The following CHN2 variants were observed in gnomAD, a reference collection of about 807,000 sequenced individuals.
CHN2 encodes the protein chimerin 2, also known as beta-chimaerin.
A neutral mutation model predicts 56.3 loss-of-function variants in CHN2; 35 were observed. The ratio of observed to expected loss-of-function variants is 0.62; its 90% CI spans 0.47 to 0.82. CHN2 has a LOEUF of 0.82. CHN2 is among the 40% of genes least tolerant of loss of function. The probability of loss-of-function intolerance (pLI) is 0.00; values close to 1 mark genes in which losing one functional copy is unlikely to be tolerated. For missense variants in CHN2, 491 were observed against 580.5 expected (o/e 0.85, Z 1.58); for synonymous variants, 210 against 212.8 (o/e 0.99, Z 0.12).
chr7:29,168,452 T>C (rs1009839759), intron 2 of CHN2, among the ~76,000 whole-genome samples: 9 of 152,240 alleles, frequency 5.9e-5, no homozygotes, highest in Non-Finnish European at 2.9e-5. Context: ...ACCCAGCTTC[T>C]ATAATTATGG....
At chr7:29,249,883 T>C (rs1462143375) in intron 1 of CHN2, among the ~76,000 whole-genome samples, 1 of 152,232 alleles carries the variant, frequency 6.6e-6, no homozygotes, top group East Asian at 1.9e-4. Flanking sequence ...TTCCATTCTT[T>C]AAAAATTTAA....
chr7:29,444,845 T>C (rs1783918466), intron 6 of CHN2, among the ~76,000 whole-genome samples: 1 of 152,200 alleles, frequency 6.6e-6, no homozygotes, highest in South Asian at 2.1e-4. Context: ...AAATAGGATA[T>C]ATGGTACCAG....
At chr7:29,468,896 T>C (rs1464449085) in intron 6 of CHN2, among the ~76,000 whole-genome samples, 1 of 152,094 alleles carries the variant, frequency 6.6e-6, no homozygotes, top group Non-Finnish European at 1.5e-5. Flanking sequence ...TCTCTGCTCT[T>C]CTCTATCTGC....
chr7:29,277,656 C>G (rs1183784145), intron 1 of CHN2, among the ~76,000 whole-genome samples: 1 of 152,206 alleles, frequency 6.6e-6, no homozygotes, highest in Non-Finnish European at 1.5e-5. Context: ...ATACACCAGC[C>G]TGCCCACACC....
chr7:29,410,660 G>A (rs935804668), intron 6 of CHN2, among the ~76,000 whole-genome samples: 12 of 152,050 alleles, frequency 7.9e-5, no homozygotes, highest in African/African-American at 2.4e-4. Flanking sequence ...TTTCTAATTA[G>A]GGGAGTTTGT....
intron 12 of CHN2, among the ~76,000 whole-genome samples, chr7:29,512,009 G>A (rs984257776): frequency 1.3e-5 from 2 of 152,088 alleles, no homozygotes; most frequent in African/African-American, 2.4e-5. Flanking sequence ...CCAGTCTGGC[G>A]ACATTCCAGC....
At chr7:29,350,836 G>C (rs11973008) in intron 1 of CHN2, among the ~76,000 whole-genome samples, 1 of 152,040 alleles carries the variant, frequency 6.6e-6, no homozygotes, top group African/African-American at 2.4e-5. Context: ...GCGGCCGGGC[G>C]AGGTGGCTCA....
At chr7:29,305,954 G>A (rs1585016933) in intron 1 of CHN2, among the ~76,000 whole-genome samples, 2 of 149,428 alleles carry the variant, frequency 1.3e-5, no homozygotes, top group East Asian at 3.9e-4. Context: ...TACTATATTA[G>A]ATTTCTGTGT....
At chr7:29,236,644 T>C (rs1584821572) in intron 1 of CHN2, among the ~76,000 whole-genome samples, 2 of 152,380 alleles carry the variant, frequency 1.3e-5, no homozygotes, top group South Asian at 2.1e-4. Flanking sequence ...TTGTTGCTGC[T>C]ATAACAAATT....
intron 6 of CHN2, among the ~76,000 whole-genome samples, chr7:29,455,926 A>G (rs187708246): frequency 6.6e-6 from 1 of 152,362 alleles, no homozygotes; most frequent in Non-Finnish European, 1.5e-5. Flanking sequence ...GAGCAAGACC[A>G]CTAAGCATTT....
At chr7:29,345,143 C>A (rs1797327070) in intron 1 of CHN2, among the ~76,000 whole-genome samples, 1 of 152,174 alleles carries the variant, frequency 6.6e-6, no homozygotes, top group African/African-American at 2.4e-5. Flanking sequence ...GAAACATCTT[C>A]TCTACACACA....
intron 1 of CHN2, among the ~76,000 whole-genome samples, chr7:29,322,483 CTCT>C (rs1401734326): frequency 6.6e-6 from 1 of 152,202 alleles, no homozygotes; most frequent in African/African-American, 2.4e-5. Flanking sequence ...TCTCCTCCTC[CTCT>C]TCCTACTCCT....
intron 6 of CHN2, among the ~76,000 whole-genome samples, chr7:29,410,380 G>A (rs1803091057): frequency 1.3e-5 from 2 of 151,916 alleles, no homozygotes; most frequent in Admixed American, 6.6e-5. Flanking sequence ...TAGTCTAGGT[G>A]GGATGATATG....
At chr7:29,341,547 T>C (rs1273856636) in intron 1 of CHN2, among the ~76,000 whole-genome samples, 1 of 149,538 alleles carries the variant, frequency 6.7e-6, no homozygotes, top group Non-Finnish European at 1.5e-5. Flanking sequence ...GTACCTGATA[T>C]GCAGAGGATC....
At position 29,441,149 on chromosome 7, in the gene CHN2, T is replaced by G. The variant is rs891564293; in HGVS notation, c.577-39130T>G. Among the ~76,000 whole-genome samples the G allele has an allele frequency of 5.9e-5, 9 of 152,200 alleles. No individual in the cohort carries two copies. In the East Asian group the frequency reaches 1.3e-3, roughly 23 times the overall value. Reference sequence around the variant, plus strand: ...AGAAGAAATAAATTTCATTTTTTTTTGTTGAGATCCATGTCCAATTGATTT... The same window carrying G: ...AGAAGAAATAAATTTCATTTTTTTTGGTTGAGATCCATGTCCAATTGATTT... On this transcript the variant is annotated intron_variant, in intron 6 of 12. Transcript: ENST00000222792.
At chr7:29,494,975 A>T (rs1789107044) in intron 7 of CHN2, among the ~76,000 whole-genome samples, 1 of 149,560 alleles carries the variant, frequency 6.7e-6, no homozygotes, top group Non-Finnish European at 1.5e-5. Context: ...AAAAAAAAAA[A>T]AAAAAATTGT....
chr7:29,416,337 A>C (rs1455064621), intron 6 of CHN2, among the ~76,000 whole-genome samples: 1 of 152,240 alleles, frequency 6.6e-6, no homozygotes, highest in African/African-American at 2.4e-5. Flanking sequence ...AGAAGCTATG[A>C]AAAAGTTATC....
chr7:29,368,771 A>C (rs10269855), intron 3 of CHN2, among the ~76,000 whole-genome samples: 4,507 of 152,266 alleles, frequency 0.03, 235 homozygotes, highest in African/African-American at 0.1. Flanking sequence ...TGTTTCAAAG[A>C]CTTAGGTACC....
rs371579344 is a variant in CHN2 at position 29,228,858 on chromosome 7, C to CA, written c.49+33875dup. Among the ~76,000 whole-genome samples the CA allele has an allele frequency of 7.4e-3, 1,134 of 152,250 alleles. 20 individuals carry two copies. Among genetic ancestry groups the CA allele is most frequent in the African/African-American group, 0.026 (1,078 of 41,554 alleles). ...ACCCACATGCCCTGGGGCAGGGTGC[C>CA]AAAAAAATGGGCCTCTGGCGCTGCA... On this transcript the variant is annotated intron_variant, in intron 1 of 12. Coordinates refer to ENST00000222792, the MANE Select transcript of CHN2 (RefSeq NM_004067.4).
Sources: gnomAD v4.1 joint callset for allele counts (sites outside exome capture counted in the v4.1 genomes callset) on GRCh38, gnomAD v4.1.1 for gene constraint, MANE v1.5 for transcripts, NCBI Gene and HGNC (gene_info 2026-07-23, HGNC 2026-07-21) for gene names.